FLII: variants seen among roughly 807,000 people sequenced by gnomAD.
FLII encodes the protein FLII actin remodeling protein.
A neutral mutation model predicts 156.2 loss-of-function variants in FLII; 101 were observed. The ratio of observed to expected loss-of-function variants is 0.65; its 90% CI spans 0.55 to 0.76. The LOEUF is 0.76. Ranked by LOEUF, FLII falls within the 30% of genes least tolerant of loss-of-function variation. FLII has a pLI of 0.00. For synonymous variants in FLII, 767 were observed against 685.8 expected (o/e 1.12, Z -1.85); for missense variants, 1,675 against 1,682.8 (o/e 1.00, Z 0.08).
chr17:18,249,203 T>C lies in FLII; in HGVS notation c.1860-2A>G, dbSNP rs983034593. ...TTTTTCCCATACACACGATACATCC[T>C]GGGCGCAGGGCAAGAGTGGCTCAGT... is the stretch of plus-strand genomic sequence containing the variant. On this transcript the variant is annotated splice_acceptor_variant, in intron 15 of 29. Transcript: ENST00000327031. LOFTEE classifies it high-confidence loss of function. The C allele has an allele frequency of 5.0e-6, 8 of 1,614,168 alleles. No homozygotes were observed. Among genetic ancestry groups the C allele is most frequent in the South Asian group, 1.1e-5 (1 of 91,088 alleles).
chr17:18,258,692 G>C lies in FLII; in HGVS notation c.-2C>G. The stretch of plus-strand genomic sequence containing the variant: ...CGGCAGCACCCCGGTGGCCTCCATG[G>C]CGCCGCTCTCGCTGCCGGGCCGCGC... On this transcript the variant is annotated 5_prime_UTR_variant, in exon 1 of 30. Transcript: ENST00000327031. The surrounding 1 kb of genome is among the most constrained non-coding windows in gnomAD (Gnocchi z 4.2). The C allele has an allele frequency of 6.7e-7, 1 of 1,491,648 alleles. No homozygotes were observed. Among genetic ancestry groups the C allele is most frequent in the Admixed American group, 2.2e-5 (1 of 44,982 alleles). 92.4% of individuals were successfully genotyped at this position (1,491,648 alleles called of 1,614,324 possible).
chr17:18,257,433 G>A (rs1374359690), intron 1 of FLII, among the ~76,000 whole-genome samples: 1 of 152,190 alleles, frequency 6.6e-6, no homozygotes. Context: ...CCTGCCATCA[G>A]CACACTGGCA....
chr17:18,246,814 A>G lies in FLII; in HGVS notation c.2831T>C (p.Val944Ala). 6.2e-7 allele frequency: 1 copy of G among 1,613,186 alleles called. No homozygotes were observed. Among genetic ancestry groups the G allele is most frequent in the Non-Finnish European group, 8.5e-7 (1 of 1,179,762 alleles). ...YVFLCRYWVP[V>A]EYEEEEKKED... ...CTTCTTTTCCTCCTCCTCGTACTCC[A>G]CAGGCACCCAGTACCTGCCGGGTTG... Residue 944 changes from valine to alanine, a missense_variant, in exon 23 of 30, where the codon GTG becomes GCG. Physicochemically the swap from Val to Ala is moderately conservative, Grantham distance 64 (BLOSUM62 0). Coordinates refer to ENST00000327031, the MANE Select transcript of FLII (RefSeq NM_002018.4).
chr17:18,251,096 AGGCTTCCCAGCCCCAGG>A, intron 13 of FLII, 79 bp from the exon 14 acceptor site: 1 of 1,493,634 alleles, frequency 6.7e-7, no homozygotes, highest in Non-Finnish European at 9.0e-7. Flanking sequence ...TGAACAGCAC[AGGCTTCCCAGCCCCAGG>A]GGCTTTGTAC....
chr17:18,248,258 G>C lies in FLII; in HGVS notation c.2191-225C>G, dbSNP rs150859295. Among the ~76,000 whole-genome samples the C allele has an allele frequency of 2.8e-3, 431 of 152,170 alleles. 2 individuals are homozygous for C. The highest frequency in any genetic ancestry group is 9.8e-3 in the African/African-American group (407 of 41,486). ...GCCCTTCATGCCATTTCTAATTAAC[G>C]TGTCCCTTTCCTGTTCACAAGAATC... On this transcript the variant is annotated intron_variant, in intron 18 of 29. Transcript: ENST00000327031.
At chr17:18,256,214 TA>T (rs1263358354) in intron 3 of FLII, among the ~76,000 whole-genome samples, 1 of 152,268 alleles carries the variant, frequency 6.6e-6, no homozygotes, top group African/African-American at 2.4e-5. Flanking sequence ...GAAAAAATCC[TA>T]ACAGAATAGT....
chr17:18,250,621 G>T (rs912223816), intron 14 of FLII, among the ~76,000 whole-genome samples: 9 of 152,124 alleles, frequency 5.9e-5, no homozygotes, highest in Non-Finnish European at 1.0e-4. Context: ...TCTGCCCCGC[G>T]TTCCAGAACT....
At position 18,247,153 on chromosome 17, in the gene FLII, C is replaced by T. The variant is rs753918857; in HGVS notation, c.2676+16G>A. On this transcript the variant is annotated intron_variant, in intron 21 of 29. Transcript: ENST00000327031. ...CCACCCCCCCCCCCGCGCCCCGGTC[C>T]CGGCCCTGCCCCCACCTCGGCCAGC... is the stretch of plus-strand genomic sequence containing the variant. 1.5e-6 allele frequency: 2 copies of T among 1,367,602 alleles called. No homozygotes were observed. Among genetic ancestry groups the T allele is most frequent in the African/African-American group, 1.5e-5 (1 of 67,698 alleles). The allele number at this position is 1,367,602 out of a possible 1,614,324, so 84.7% of individuals were successfully genotyped here.
chr17:18,251,960 A>G lies in FLII; in HGVS notation c.1246+39T>C, dbSNP rs772627349. 11 of 1,605,580 alleles carry G rather than the reference A, an allele frequency of 6.9e-6. No homozygotes were observed. The East Asian group carries it at 1.1e-4, about 16-fold the overall frequency. On this transcript the variant is annotated intron_variant, in intron 11 of 29. Transcript: ENST00000327031. ...CAGATGTGTCATTTGAGGCCTGGAG[A>G]GGAGCCCCCGTTCCCAGGCCAGACC...
rs1366344715 is a variant in FLII at position 18,247,797 on chromosome 17, C to T, written c.2347G>A (p.Asp783Asn). The T allele has an allele frequency of 6.2e-7, 1 of 1,612,342 alleles. No homozygotes were observed. Among genetic ancestry groups the T allele is most frequent in the East Asian group, 2.2e-5 (1 of 44,900 alleles). Residue 783 changes from aspartate to asparagine, a missense_variant, in exon 20 of 30, where the codon GAC becomes AAC. Physicochemically the swap from Asp to Asn is conservative, Grantham distance 23. Around this residue, in one of 2 missense-constraint regions of FLII, gnomAD observed 1,332 missense variants for 1,269.3 expected, o/e 1.05. Transcript: ENST00000327031. The stretch of plus-strand genomic sequence containing the variant: ...TTGCGGCCGAGCCAGATGAACACGT[C>T]GGACCAACAGTCCAGAATGTACACG... ...RCVYILDCWS[D>N]VFIWLGRKSP...
rs1231195228 is a variant in FLII, at chr17:18,258,696, C to A, written c.-6G>T. The A allele has an allele frequency of 1.3e-6, 2 of 1,483,378 alleles. No homozygotes were observed. The highest frequency in any genetic ancestry group is 1.8e-6 in the Non-Finnish European group (2 of 1,123,728). The allele number at this position is 1,483,378 out of a possible 1,614,324, so 91.9% of individuals were successfully genotyped here. On this transcript the variant is annotated 5_prime_UTR_variant, in exon 1 of 30. Transcript: ENST00000327031. The surrounding 1 kb of genome is among the most constrained non-coding windows in gnomAD (Gnocchi z 4.2). ...AGCACCCCGGTGGCCTCCATGGCGC[C>A]GCTCTCGCTGCCGGGCCGCGCCGGG...
rs538103899 is a variant in FLII, at chr17:18,252,666, C to T, written c.1014-110G>A. 99 of 806,734 alleles carry T rather than the reference C, an allele frequency of 1.2e-4. No homozygotes were observed. The African/African-American group carries it at 1.5e-3, about 12-fold the overall frequency. The allele number at this position is 806,734 out of a possible 1,614,324, so 50.0% of individuals were successfully genotyped here. A position where few individuals can be genotyped will look rare whatever the true frequency, so the allele number is the denominator to read the frequency against. On this transcript the variant is annotated intron_variant, in intron 9 of 29. Coordinates refer to ENST00000327031, the MANE Select transcript of FLII (RefSeq NM_002018.4). ...AGGCAGGTAGGGTCAGAGGAACTGG[C>T]GGGGGTCTCCATTCTCTGCCTGAAG...
At chr17:18,247,901 C>T (rs1200725310) in intron 19 of FLII, 28 bp downstream of exon 19, 3 of 1,612,052 alleles carry the variant, frequency 1.9e-6, no homozygotes, top group Middle Eastern at 1.7e-4. Context: ...AGGGATCTGG[C>T]CCCACGCCCT....
intron 25 of FLII, 24 bp from the exon 26 acceptor site, chr17:18,246,086 G>T (rs1233267396): frequency 5.6e-6 from 9 of 1,614,104 alleles, no homozygotes; most frequent in Non-Finnish European, 7.6e-6. Context: ...AGGGGTGGGG[G>T]TGTTCGCAGC....
At chr17:18,251,168 C>T in intron 13 of FLII, 97 bp downstream of exon 13, 1 of 1,457,986 alleles carries the variant, frequency 6.9e-7, no homozygotes, top group South Asian at 1.3e-5. Flanking sequence ...CCACCTCCCA[C>T]CTGGCCTCCC....
intron 15 of FLII, 22 bp downstream of exon 15, chr17:18,249,304 C>A: frequency 6.2e-7 from 1 of 1,613,168 alleles, no homozygotes; most frequent in Non-Finnish European, 8.5e-7. Context: ...GTCCATACCC[C>A]CCACTGCCCA....
chr17:18,252,416 C>A (rs1457493380), intron 10 of FLII, 56 bp downstream of exon 10: 1 of 1,549,528 alleles, frequency 6.5e-7, no homozygotes. Flanking sequence ...CCCCTTGCTC[C>A]AGGGCACACC....
intron 3 of FLII, among the ~76,000 whole-genome samples, chr17:18,256,275 A>T (rs1194388267): frequency 6.6e-6 from 1 of 152,282 alleles, no homozygotes; most frequent in Non-Finnish European, 1.5e-5. Context: ...GTTATTGTCC[A>T]TAACGGCTGG....
rs764546674 is a variant in FLII, at chr17:18,246,467, G to A, written c.3052-5C>T. ...CTGCTGCGTCATGCGTACCACCTGG[G>A]GATGTGGAAGTGTTAGGGGCAGCTC... On this transcript the variant is annotated splice_region_variant and splice_polypyrimidine_tract_variant and intron_variant, in intron 23 of 29. Coordinates refer to ENST00000327031, the MANE Select transcript of FLII (RefSeq NM_002018.4). The A allele has an allele frequency of 3.7e-6, 6 of 1,613,818 alleles. No homozygotes were observed. In the South Asian group the frequency reaches 4.4e-5, roughly 12 times the overall value.
Sources: gnomAD v4.1 joint callset for allele counts (sites outside exome capture counted in the v4.1 genomes callset) on GRCh38, gnomAD v4.1.1 for gene constraint, gnomAD v4.1.1 regional missense constraint, Gnocchi (gnomAD v3.1) non-coding constraint, MANE v1.5 for transcripts, NCBI Gene and HGNC (gene_info 2026-07-23, HGNC 2026-07-21) for gene names.